COBL: variants seen among roughly 807,000 people sequenced by gnomAD.
COBL encodes the protein protein cordon-bleu.
A neutral mutation model predicts 98.8 loss-of-function variants in COBL; 51 were observed. That is an observed-to-expected ratio of 0.52 (90% CI 0.41 to 0.65). COBL has a LOEUF of 0.65. Ranked by LOEUF, COBL falls within the 30% of genes least tolerant of loss-of-function variation. COBL has a pLI of 0.00. For synonymous variants in COBL, 634 were observed against 651.7 expected (o/e 0.97, Z 0.41); for missense variants, 1,617 against 1,617.5 (o/e 1.00, Z 0.01).
chr7:51,065,338 A>G (rs1352957680), intron 7 of COBL: 10 of 703,508 alleles, frequency 1.4e-5, no homozygotes, highest in Admixed American at 8.0e-5. Context: ...AGGATTGTGT[A>G]GAGAACTGCG....
At chr7:51,026,369 T>C (rs1159703715) in intron 11 of COBL, among the ~76,000 whole-genome samples, 177 bp downstream of exon 11, 5 of 152,190 alleles carry the variant, frequency 3.3e-5, no homozygotes, top group Non-Finnish European at 5.9e-5. Flanking sequence ...CCCCAGGCTC[T>C]TGGAGCAGGG....
chr7:51,149,689 C>T (rs990872996), intron 5 of COBL, among the ~76,000 whole-genome samples: 1 of 152,192 alleles, frequency 6.6e-6, no homozygotes, highest in Non-Finnish European at 1.5e-5. Context: ...TCACTGCTAC[C>T]TCCTCCTCCC....
At chr7:51,088,464 G>C (rs1794499312) in intron 6 of COBL, among the ~76,000 whole-genome samples, 2 of 151,136 alleles carry the variant, frequency 1.3e-5, no homozygotes, top group African/African-American at 4.9e-5. Context: ...TTTAAAAATA[G>C]CATCATGGTC....
At chr7:51,262,892 A>C (rs960384381) in intron 1 of COBL, among the ~76,000 whole-genome samples, 3 of 152,052 alleles carry the variant, frequency 2.0e-5, no homozygotes, top group African/African-American at 7.2e-5. Context: ...TTGAGACCCA[A>C]CTTGCCAGGA....
chr7:51,061,981 A>ACACACACACACACACT (rs1322943132), intron 7 of COBL, among the ~76,000 whole-genome samples: 5,532 of 150,576 alleles, frequency 0.037, 361 homozygotes, highest in African/African-American at 0.13. Flanking sequence ...ACACACACAC[A>ACACACACACACACACT]CTCATAAATA....
intron 5 of COBL, among the ~76,000 whole-genome samples, chr7:51,157,048 G>C (rs1414884917): frequency 6.6e-6 from 1 of 152,210 alleles, no homozygotes; most frequent in East Asian, 1.9e-4. Context: ...TGCCTCATCT[G>C]CCCCAATACC....
chr7:51,192,180 T>C (rs560238250), intron 3 of COBL, among the ~76,000 whole-genome samples: 31 of 152,336 alleles, frequency 2.0e-4, no homozygotes, highest in Non-Finnish European at 3.5e-4. Context: ...CAATCAATCC[T>C]AGAAATTAAT....
intron 6 of COBL, among the ~76,000 whole-genome samples, chr7:51,101,325 T>C (rs951257595): frequency 6.6e-6 from 1 of 152,204 alleles, no homozygotes; most frequent in African/African-American, 2.4e-5. Flanking sequence ...AATATTAACA[T>C]TGTCAGCCAT....
chr7:51,136,064 A>C (rs969870269), intron 6 of COBL, 94 bp downstream of exon 6: 9 of 1,465,172 alleles, frequency 6.1e-6, no homozygotes, highest in Non-Finnish European at 8.3e-6. Flanking sequence ...ACAGCCACAA[A>C]CATGAAGGAT....
chr7:51,223,155 G>A (rs2129092910), intron 1 of COBL, among the ~76,000 whole-genome samples: 1 of 152,368 alleles, frequency 6.6e-6, no homozygotes, highest in Admixed American at 6.5e-5. Flanking sequence ...TACACGCCTG[G>A]CAGGGCCCAC....
chr7:51,193,655 T>A, intron 2 of COBL, 66 bp from the exon 3 acceptor site: 2 of 1,436,168 alleles, frequency 1.4e-6, no homozygotes, highest in East Asian at 4.6e-5. Context: ...CCTGGCTAAA[T>A]AAGGGTAGAA....
intron 8 of COBL, among the ~76,000 whole-genome samples, chr7:51,037,108 T>A (rs938507690): frequency 7.2e-5 from 11 of 152,186 alleles, no homozygotes; most frequent in African/African-American, 2.7e-4. Flanking sequence ...CATATACGCA[T>A]GCACACATAT....
At chr7:51,154,444 T>C (rs1313728698) in intron 5 of COBL, among the ~76,000 whole-genome samples, 2 of 152,210 alleles carry the variant, frequency 1.3e-5, no homozygotes, top group Admixed American at 6.5e-5. Context: ...TGGGAGCAAA[T>C]AGGATTCTAA....
At chr7:51,303,977 G>C (rs1284087424) in intron 1 of COBL, among the ~76,000 whole-genome samples, 1 of 152,118 alleles carries the variant, frequency 6.6e-6, no homozygotes, top group Non-Finnish European at 1.5e-5. Context: ...TTTTTAATGG[G>C]TAAAGGGTAT....
chr7:51,248,965 A>G (rs1796497480), intron 1 of COBL, among the ~76,000 whole-genome samples: 1 of 152,234 alleles, frequency 6.6e-6, no homozygotes, highest in Non-Finnish European at 1.5e-5. Context: ...TTATGTAATT[A>G]AGATTTGGAA....
At chr7:51,092,211 G>A (rs913696649) in intron 6 of COBL, among the ~76,000 whole-genome samples, 2 of 152,304 alleles carry the variant, frequency 1.3e-5, no homozygotes, top group South Asian at 2.1e-4. Context: ...GTTTTATCCC[G>A]AAACCATCCC....
intron 1 of COBL, among the ~76,000 whole-genome samples, chr7:51,293,024 C>T (rs1044183966): frequency 6.6e-6 from 1 of 152,236 alleles, no homozygotes; most frequent in African/African-American, 2.4e-5. Flanking sequence ...ATTCAATAAA[C>T]TTCACACACA....
chr7:51,152,361 A>T (rs1246274612), intron 5 of COBL, among the ~76,000 whole-genome samples: 1 of 152,182 alleles, frequency 6.6e-6, no homozygotes, highest in Non-Finnish European at 1.5e-5. Context: ...GCTACCCTGA[A>T]TCCCACTCCA....
At chr7:51,086,440 G>C (rs1054948514) in intron 6 of COBL, among the ~76,000 whole-genome samples, 2 of 149,496 alleles carry the variant, frequency 1.3e-5, no homozygotes, top group Admixed American at 1.3e-4. Context: ...TAGTAGCTCA[G>C]AGCCAAGTCT....
Sources: gnomAD v4.1 joint callset for allele counts (sites outside exome capture counted in the v4.1 genomes callset) on GRCh38, gnomAD v4.1.1 for gene constraint, MANE v1.5 for transcripts, NCBI Gene and HGNC (gene_info 2026-07-23, HGNC 2026-07-21) for gene names.